Variants in SVOPL observed in about 807,000 individuals in gnomAD.
The protein encoded by SVOPL is putative transporter SVOPL.
In SVOPL, 60 loss-of-function variants were observed where a neutral mutation model predicts 61.0. The ratio of observed to expected loss-of-function variants is 0.98; its 90% CI spans 0.80 to 1.22. The LOEUF (loss-of-function observed/expected upper bound fraction) is 1.22. Ranked by LOEUF, SVOPL falls within the 50% of genes most tolerant of loss-of-function variation. The pLI is 0.00. For synonymous variants in SVOPL, 279 were observed against 250.0 expected (o/e 1.12, Z -1.09); for missense variants, 662 against 643.9 (o/e 1.03, Z -0.30).
intron 9 of SVOPL, among the ~76,000 whole-genome samples, chr7:138,641,802 A>AAT (rs1233555964): frequency 2.2e-5 from 2 of 91,828 alleles, no homozygotes; most frequent in East Asian, 3.3e-4. Flanking sequence ...AGACGTATCA[A>AAT]ATATATATAT....
intron 6 of SVOPL, among the ~76,000 whole-genome samples, chr7:138,658,672 A>G (rs558113198): frequency 6.6e-6 from 1 of 152,296 alleles, no homozygotes; most frequent in African/African-American, 2.4e-5. Context: ...ATGAACAAAA[A>G]AGCTAACACC....
Position 138,679,037 on chromosome 7 carries a change from G to C in SVOPL, c.9C>G (p.Thr3=). The part of the protein sequence containing the change: MA[T]KPTEPVTILS... ...GGATCGTGACAGGCTCTGTTGGCTT[G>C]GTTGCCATCTTCTAAATAGCTCAAG... The change falls in exon 2 of 16, where the codon ACC becomes ACG. Residue 3 remains threonine (T), a synonymous_variant. Transcript: ENST00000674285. 2 of 1,551,526 alleles carry C rather than the reference G, an allele frequency of 1.3e-6. No homozygotes were observed. The highest frequency in any genetic ancestry group is 1.7e-6 in the Non-Finnish European group (2 of 1,146,938).
intron 14 of SVOPL, among the ~76,000 whole-genome samples, chr7:138,616,441 A>G (rs1799306659): frequency 6.6e-6 from 1 of 152,042 alleles, no homozygotes; most frequent in Non-Finnish European, 1.5e-5. Context: ...GGTTCAAGCA[A>G]TTCTCCTGCC....
rs370658564 is a variant in SVOPL at position 138,618,703 on chromosome 7, C to A, written c.1353+2343G>T. 9.9e-3 allele frequency among the ~76,000 whole-genome samples: 1,318 copies of A among 133,292 alleles called. 19 individuals carry two copies. Among genetic ancestry groups the A allele is most frequent in the African/African-American group, 0.033 (1,231 of 36,830 alleles). 87.4% of individuals were successfully genotyped at this position (133,292 alleles called of 152,430 possible). ...GAGAGAGAATGAGAGCACGCGTGCA[C>A]ACGCGCGAGAGAGAGAGAGAGGAAG... On this transcript the variant is annotated intron_variant, in intron 14 of 15. Transcript: ENST00000674285.
intron 14 of SVOPL, among the ~76,000 whole-genome samples, chr7:138,613,387 C>T (rs572412300): frequency 6.6e-6 from 1 of 152,238 alleles, no homozygotes; most frequent in South Asian, 2.1e-4. Flanking sequence ...AAAGTTTTCC[C>T]CACTGCTCCT....
rs1227302650 is a variant in SVOPL, at chr7:138,692,630, C to T, written c.-35+8548G>A. Among the ~76,000 whole-genome samples the T allele has an allele frequency of 2.6e-5, 4 of 152,000 alleles. No homozygotes were observed. In the East Asian group the frequency reaches 7.7e-4, roughly 29 times the overall value. ...AATTAAAATGTGGCATAGTTTTAGGCAACTGATGATATGAAAGAAAATAAA... is the reference window on the plus strand; with the variant it reads ...AATTAAAATGTGGCATAGTTTTAGGTAACTGATGATATGAAAGAAAATAAA... On this transcript the variant is annotated intron_variant, in intron 1 of 15. Transcript: ENST00000674285.
intron 14 of SVOPL, among the ~76,000 whole-genome samples, chr7:138,611,858 G>C (rs1294917308): frequency 1.3e-5 from 1 of 76,532 alleles, no homozygotes; most frequent in Non-Finnish European, 2.7e-5. Context: ...TGCCGAGATT[G>C]CAGCCTCTGC....
chr7:138,632,363 G>A (rs1480115265), intron 9 of SVOPL, among the ~76,000 whole-genome samples: 1 of 152,228 alleles, frequency 6.6e-6, no homozygotes. Flanking sequence ...GAACCTGGGA[G>A]GTGGAGGTTG....
At chr7:138,649,175 G>C in intron 7 of SVOPL, 38 bp from the exon 8 acceptor site, 1 of 1,530,332 alleles carries the variant, frequency 6.5e-7, no homozygotes, top group Non-Finnish European at 8.7e-7. Context: ...GTTCTTTGGG[G>C]AATTATGACA....
chr7:138,660,321 A>C, intron 5 of SVOPL: 1 of 1,056,974 alleles, frequency 9.5e-7, no homozygotes, highest in Non-Finnish European at 1.1e-6. Flanking sequence ...ATGAGGCAGT[A>C]TGTTGGGAGG....
At chr7:138,660,611 G>T (rs565348808) in intron 5 of SVOPL, 36 of 985,364 alleles carry the variant, frequency 3.7e-5, no homozygotes, top group Middle Eastern at 5.2e-4. Context: ...AGTTGTTTCA[G>T]ATCTTCTCAT....
intron 14 of SVOPL, among the ~76,000 whole-genome samples, chr7:138,609,718 TTG>T (rs1798910879): frequency 8.0e-6 from 1 of 125,776 alleles, no homozygotes; most frequent in African/African-American, 2.8e-5. Context: ...TGTTTTTTTT[TTG>T]GGGGGGGTGG....
intron 7 of SVOPL, among the ~76,000 whole-genome samples, chr7:138,652,361 G>T (rs1622867): frequency 0.78 from 118,327 of 151,950 alleles, 46,806 homozygotes; most frequent in Middle Eastern, 0.86. Flanking sequence ...CCGATTTTTT[G>T]ATTTTTGTAG....
intron 14 of SVOPL, 66 bp from the exon 15 acceptor site, chr7:138,596,596 G>C (rs546409292): frequency 5.7e-6 from 9 of 1,565,250 alleles, no homozygotes; most frequent in Non-Finnish European, 7.8e-6. Flanking sequence ...TTCTTTATGT[G>C]AAAGAGAAAA....
intron 9 of SVOPL, among the ~76,000 whole-genome samples, chr7:138,637,939 G>A (rs907126970): frequency 1.3e-5 from 2 of 151,916 alleles, no homozygotes; most frequent in Non-Finnish European, 2.9e-5. Context: ...CCAAGAGAGC[G>A]AGCCTCCATC....
chr7:138,605,610 C>T lies in SVOPL; in HGVS notation c.1354-9080G>A, dbSNP rs370405548. On this transcript the variant is annotated intron_variant, in intron 14 of 15. Transcript: ENST00000674285. ...CTGGGAGGCAGAAGTTGCAGTGACC[C>T]GAGATCATACCACTGCACTCTAACC... Among the ~76,000 whole-genome samples, 11 of 141,732 alleles carry T rather than the reference C, an allele frequency of 7.8e-5. No individual in the cohort carries two copies. In the East Asian group the frequency reaches 1.4e-3, roughly 18 times the overall value. The allele number at this position is 141,732 out of a possible 152,430, so 93.0% of individuals were successfully genotyped here. A position where few individuals can be genotyped will look rare whatever the true frequency, so the allele number is the denominator to read the frequency against.
intron 11 of SVOPL, 88 bp from the exon 12 acceptor site, chr7:138,627,549 TCAGA>T: frequency 1.0e-6 from 1 of 997,280 alleles, no homozygotes; most frequent in Non-Finnish European, 1.5e-6. Context: ...CCTTGTCGTT[TCAGA>T]AAGAAGCAAC....
At chr7:138,675,078 T>C (rs73730427) in intron 3 of SVOPL, among the ~76,000 whole-genome samples, 4,228 of 152,088 alleles carry the variant, frequency 0.028, 207 homozygotes, top group African/African-American at 0.097. Context: ...AGGACTAGGA[T>C]ACATCTTGCC....
At chr7:138,626,302 G>A (rs1297258673) in intron 12 of SVOPL, among the ~76,000 whole-genome samples, 2 of 152,162 alleles carry the variant, frequency 1.3e-5, no homozygotes, top group African/African-American at 2.4e-5. Context: ...TAACTGCTGG[G>A]CACAGTGGCT....
Sources: gnomAD v4.1 joint callset for allele counts (sites outside exome capture counted in the v4.1 genomes callset) on GRCh38, gnomAD v4.1.1 for gene constraint, MANE v1.5 for transcripts, NCBI Gene and HGNC (gene_info 2026-07-23, HGNC 2026-07-21) for gene names.